Variants in SPAG16 observed in about 807,000 individuals in gnomAD.
SPAG16 encodes the protein sperm associated antigen 16.
A neutral mutation model predicts 80.4 loss-of-function variants in SPAG16; 86 were observed. The observed-to-expected ratio is 1.07, with a 90% CI of 0.90 to 1.28. The LOEUF is 1.28. Among genes scored for constraint, SPAG16 ranks in the 50% most tolerant of loss-of-function variants. The pLI is 0.00. For synonymous variants in SPAG16, 294 were observed against 265.9 expected (o/e 1.11, Z -1.03); for missense variants, 870 against 765.3 (o/e 1.14, Z -1.61).
rs185550244 is a variant in SPAG16, at chr2:214,326,898, T to C, written c.1721-83242T>C. Among the ~76,000 whole-genome samples the C allele has an allele frequency of 9.8e-4, 133 of 135,170 alleles. 1 individual carries two copies. The highest frequency in any genetic ancestry group is 5.1e-3 in the Middle Eastern group (1 of 198). 88.7% of individuals were successfully genotyped at this position (135,170 alleles called of 152,430 possible). On this transcript the variant is annotated intron_variant, in intron 15 of 15. Transcript: ENST00000331683. Reference sequence around the variant, plus strand: ...AGGCAGAGCTTGCAGTGAGCCGAGATTGCACCACTGCGCTCCAGCCTGGGC... The same window carrying C: ...AGGCAGAGCTTGCAGTGAGCCGAGACTGCACCACTGCGCTCCAGCCTGGGC...
intron 9 of SPAG16, among the ~76,000 whole-genome samples, chr2:213,408,542 CT>C (rs992791913): frequency 2.0e-5 from 3 of 151,578 alleles, no homozygotes; most frequent in African/African-American, 7.3e-5. Flanking sequence ...ACATTAACCA[CT>C]GAAAATCCCC....
chr2:214,368,055 G>T (rs1699594921), intron 15 of SPAG16, among the ~76,000 whole-genome samples: 1 of 152,124 alleles, frequency 6.6e-6, no homozygotes, highest in Non-Finnish European at 1.5e-5. Context: ...TCAATATTGA[G>T]TTTTTCCTAT....
At chr2:213,375,163 C>T in intron 9 of SPAG16, 44 bp downstream of exon 9, 2 of 1,331,862 alleles carry the variant, frequency 1.5e-6, no homozygotes, top group Non-Finnish European at 2.1e-6. Flanking sequence ...ACTTAACTCT[C>T]AGATCTTTAG....
intron 15 of SPAG16, among the ~76,000 whole-genome samples, chr2:214,232,122 T>C (rs1392175035): frequency 1.3e-5 from 2 of 152,008 alleles, no homozygotes; most frequent in Non-Finnish European, 2.9e-5. Context: ...CTATTTTTGT[T>C]ACATAAATCT....
rs143100343 is a variant in SPAG16, at chr2:213,560,989, G to A, written c.1070+70899G>A. Reference sequence around the variant, plus strand: ...AGAGAATCTCCTGTCTCAGCCTCCCGAGTAACTGGGATTACAGGCCTCTGC... The same window carrying A: ...AGAGAATCTCCTGTCTCAGCCTCCCAAGTAACTGGGATTACAGGCCTCTGC... On this transcript the variant is annotated intron_variant, in intron 10 of 15. Coordinates refer to ENST00000331683, the MANE Select transcript of SPAG16 (RefSeq NM_024532.5). Among the ~76,000 whole-genome samples the A allele has an allele frequency of 1.8e-3, 275 of 152,198 alleles. 1 individual carries two copies. Among genetic ancestry groups the A allele is most frequent in the African/African-American group, 6.3e-3 (262 of 41,532 alleles).
intron 12 of SPAG16, among the ~76,000 whole-genome samples, chr2:213,969,269 A>T (rs2044883108): frequency 6.6e-6 from 1 of 152,314 alleles, no homozygotes; most frequent in African/African-American, 2.4e-5. Context: ...CTCTTTAATA[A>T]TTCTCCATCC....
At chr2:213,287,895 T>A (rs1189555788) in intron 1 of SPAG16, among the ~76,000 whole-genome samples, 1 of 152,202 alleles carries the variant, frequency 6.6e-6, no homozygotes, top group East Asian at 1.9e-4. Context: ...TCTACCATGC[T>A]ACCTTTAAAA....
chr2:214,191,718 A>C (rs2057669302), intron 15 of SPAG16, among the ~76,000 whole-genome samples: 2 of 119,248 alleles, frequency 1.7e-5, no homozygotes, highest in African/African-American at 4.0e-5. Flanking sequence ...TGTCTCAAAA[A>C]AAAAAAAAGA....
intron 15 of SPAG16, among the ~76,000 whole-genome samples, chr2:214,257,721 A>G (rs1421479019): frequency 6.6e-6 from 1 of 152,096 alleles, no homozygotes; most frequent in East Asian, 1.9e-4. Flanking sequence ...CTTTTTATAT[A>G]TTACTGGATT....
At chr2:214,228,213 A>T (rs568057274) in intron 15 of SPAG16, among the ~76,000 whole-genome samples, 2 of 152,074 alleles carry the variant, frequency 1.3e-5, no homozygotes, top group African/African-American at 4.8e-5. Flanking sequence ...TTATTATTCA[A>T]GTTTGTTAAC....
chr2:213,311,730 T>C (rs1473829046), intron 4 of SPAG16, among the ~76,000 whole-genome samples: 4 of 151,624 alleles, frequency 2.6e-5, no homozygotes, highest in African/African-American at 4.8e-5. Context: ...AAACATTTTT[T>C]ATTTTGATTA....
At chr2:214,221,206 C>G (rs2058558004) in intron 15 of SPAG16, among the ~76,000 whole-genome samples, 1 of 152,132 alleles carries the variant, frequency 6.6e-6, no homozygotes, top group African/African-American at 2.4e-5. Flanking sequence ...AAGTTTTTCA[C>G]TCTCACAGTA....
chr2:214,074,261 A>G (rs2050952039), intron 13 of SPAG16, among the ~76,000 whole-genome samples: 1 of 152,226 alleles, frequency 6.6e-6, no homozygotes, highest in Non-Finnish European at 1.5e-5. Context: ...CACTAAGTCT[A>G]TGGTATTCTG....
intron 9 of SPAG16, among the ~76,000 whole-genome samples, chr2:213,445,566 G>A (rs1177793663): frequency 1.3e-5 from 2 of 152,132 alleles, no homozygotes; most frequent in Non-Finnish European, 2.9e-5. Flanking sequence ...GGAGGCTGAG[G>A]CAGGAGGGAG....
At chr2:213,965,009 G>A (rs956967994) in intron 12 of SPAG16, among the ~76,000 whole-genome samples, 3 of 152,174 alleles carry the variant, frequency 2.0e-5, no homozygotes, top group African/African-American at 4.8e-5. Flanking sequence ...CTTTGCCTGT[G>A]TATGGCTGTG....
chr2:214,410,373 T>C lies in SPAG16; in HGVS notation c.*58T>C. On this transcript the variant is annotated 3_prime_UTR_variant, in exon 16 of 16. Transcript: ENST00000331683. ...CTTTAAGGCTTGAAAATGCCTCCTGTAGTCCCAAACCAGCAAAGAACTGGT... is the reference window on the plus strand; with the variant it reads ...CTTTAAGGCTTGAAAATGCCTCCTGCAGTCCCAAACCAGCAAAGAACTGGT... 4.0e-6 allele frequency: 6 copies of C among 1,490,040 alleles called. No homozygotes were observed. The South Asian group carries it at 5.2e-5, about 13-fold the overall frequency. 92.3% of individuals were successfully genotyped at this position (1,490,040 alleles called of 1,614,324 possible).
At position 213,956,182 on chromosome 2, in the gene SPAG16, C is replaced by T. The variant is rs1180824924; in HGVS notation, c.1400+26037C>T. ...TTTTGGCCAGACTGGTCTTGAACTC[C>T]TGACCTCAGGTGATCTGCCCGCCTC... On this transcript the variant is annotated intron_variant, in intron 12 of 15. Transcript: ENST00000331683. Among the ~76,000 whole-genome samples the T allele has an allele frequency of 2.0e-5, 3 of 151,806 alleles. No individual in the cohort carries two copies. The East Asian group carries it at 5.8e-4, about 30-fold the overall frequency.
At chr2:214,014,171 G>T (rs2047468151) in intron 13 of SPAG16, 94 bp downstream of exon 13, 1 of 1,468,524 alleles carries the variant, frequency 6.8e-7, no homozygotes, top group Non-Finnish European at 9.2e-7. Context: ...AAAAGTGATT[G>T]TGCAAGGGCA....
At chr2:213,910,289 C>T (rs1282374985) in intron 11 of SPAG16, among the ~76,000 whole-genome samples, 1 of 152,158 alleles carries the variant, frequency 6.6e-6, no homozygotes, top group Non-Finnish European at 1.5e-5. Context: ...AACTATTCTA[C>T]ATAAGAACTT....
Sources: allele counts gnomAD v4.1 joint callset (sites outside exome capture counted in the v4.1 genomes callset), GRCh38; gene constraint gnomAD v4.1.1; transcripts MANE v1.5; gene names NCBI Gene and HGNC (gene_info 2026-07-23, HGNC 2026-07-21).